The following SNX29 variants were observed in gnomAD, a reference collection of about 807,000 sequenced individuals.
SNX29 encodes sorting nexin-29.
In SNX29, 78 loss-of-function variants were observed where a neutral mutation model predicts 102.1. The observed-to-expected ratio is 0.76, with a 90% CI of 0.64 to 0.92. The LOEUF is 0.92. Among genes scored for constraint, SNX29 ranks in the 40% least tolerant of loss-of-function variants. The pLI, the probability that SNX29 is intolerant of heterozygous loss-of-function variation, is 0.00. For missense variants in SNX29, 1,280 were observed against 1,061.7 expected (o/e 1.21, Z -2.86); for synonymous variants, 580 against 414.5 (o/e 1.40, Z -4.85).
At position 12,570,800 on chromosome 16, in the gene SNX29, G is replaced by A. The variant is rs184547348; in HGVS notation, c.*2171G>A. 204 of 232,594 alleles carry A rather than the reference G, an allele frequency of 8.8e-4. No individual in the cohort carries two copies. The highest frequency in any genetic ancestry group is 1.3e-3 in the Middle Eastern group (1 of 784). The allele number at this position is 232,594 out of a possible 1,614,324, so 14.4% of individuals were successfully genotyped here. On this transcript the variant is annotated 3_prime_UTR_variant, in exon 21 of 21. Transcript: ENST00000566228. ...TAATGCAACAGTCCCCCATTGCTGAGAGATACTAACCCGTGAGAAACAAGT... is the reference window on the plus strand; with the variant it reads ...TAATGCAACAGTCCCCCATTGCTGAAAGATACTAACCCGTGAGAAACAAGT...
At chr16:12,470,482 T>C (rs986357524) in intron 18 of SNX29, among the ~76,000 whole-genome samples, 6 of 152,186 alleles carry the variant, frequency 3.9e-5, no homozygotes, top group African/African-American at 1.2e-4. Flanking sequence ...TGGCAGGGAC[T>C]GGATAAATGC....
intron 20 of SNX29, among the ~76,000 whole-genome samples, chr16:12,555,482 T>C (rs1345263484): frequency 7.3e-5 from 11 of 151,544 alleles, no homozygotes; most frequent in Admixed American, 5.9e-4. Flanking sequence ...TGAGGACGTC[T>C]TTCGTTGTGG....
intron 18 of SNX29, among the ~76,000 whole-genome samples, chr16:12,445,164 T>G (rs2085992221): frequency 1.3e-5 from 2 of 152,006 alleles, no homozygotes; most frequent in Non-Finnish European, 1.5e-5. Context: ...AGTTTTTTTT[T>G]GTTTTTGAAT....
intron 13 of SNX29, among the ~76,000 whole-genome samples, chr16:12,184,426 C>A (rs1012166378): frequency 6.6e-6 from 1 of 152,192 alleles, no homozygotes; most frequent in African/African-American, 2.4e-5. Flanking sequence ...TTCAGGAGGT[C>A]ATGGCTGAGG....
intron 18 of SNX29, among the ~76,000 whole-genome samples, chr16:12,455,119 G>T (rs1334475743): frequency 6.6e-6 from 1 of 152,190 alleles, no homozygotes; most frequent in Non-Finnish European, 1.5e-5. Context: ...TAGGAGGCAA[G>T]ATAGCTGGTT....
chr16:12,301,792 A>G (rs2080181777), intron 15 of SNX29, among the ~76,000 whole-genome samples: 1 of 152,222 alleles, frequency 6.6e-6, no homozygotes, highest in Middle Eastern at 3.2e-3. Flanking sequence ...AGAGGACTCT[A>G]GTCGCGGTTT....
chr16:12,163,630 T>G (rs1385687085), intron 13 of SNX29, among the ~76,000 whole-genome samples: 2 of 152,198 alleles, frequency 1.3e-5, no homozygotes, highest in Non-Finnish European at 2.9e-5. Context: ...AAATCTCCTG[T>G]AGAAGCTTCC....
At chr16:12,103,601 C>G (rs2053109017) in intron 11 of SNX29, among the ~76,000 whole-genome samples, 1 of 152,130 alleles carries the variant, frequency 6.6e-6, no homozygotes, top group African/African-American at 2.4e-5. Context: ...GGAAGAAAAC[C>G]TAGGTAATAC....
At chr16:12,079,107 T>C (rs2051735498) in intron 11 of SNX29, among the ~76,000 whole-genome samples, 192 bp downstream of exon 11, 1 of 152,254 alleles carries the variant, frequency 6.6e-6, no homozygotes, top group South Asian at 2.1e-4. Context: ...CGCTTGGGCG[T>C]GTGCGCGCTA....
At chr16:12,492,635 G>C (rs2088609956) in intron 19 of SNX29, among the ~76,000 whole-genome samples, 1 of 152,186 alleles carries the variant, frequency 6.6e-6, no homozygotes, top group Non-Finnish European at 1.5e-5. Flanking sequence ...TAATGGCTAG[G>C]TTTTCTTCTA....
intron 20 of SNX29, among the ~76,000 whole-genome samples, chr16:12,533,960 T>G (rs1225102617): frequency 6.6e-6 from 1 of 152,248 alleles, no homozygotes; most frequent in African/African-American, 2.4e-5. Flanking sequence ...TTTGTTTGCT[T>G]AAAACATCTG....
At chr16:12,114,847 C>T (rs960081303) in intron 11 of SNX29, among the ~76,000 whole-genome samples, 2 of 152,158 alleles carry the variant, frequency 1.3e-5, no homozygotes, top group Non-Finnish European at 2.9e-5. Context: ...GGGCAAATCA[C>T]TTCATATGTC....
intron 18 of SNX29, among the ~76,000 whole-genome samples, chr16:12,438,987 C>T (rs753442627): frequency 7.2e-5 from 11 of 152,174 alleles, no homozygotes; most frequent in African/African-American, 2.2e-4. Flanking sequence ...GGATTGTCCA[C>T]CTGCCATGTA....
Position 12,464,051 on chromosome 16 carries a change from T to C in SNX29, c.2038-13668T>C, listed in dbSNP as rs2086938777. ...AGCCCCTGGCAACCCCCGTCTGTTC[T>C]CTGCTTCTATGAGTTTATCCATAGA... is the stretch of plus-strand genomic sequence containing the variant. On this transcript the variant is annotated intron_variant, in intron 18 of 20. Transcript: ENST00000566228. Among the ~76,000 whole-genome samples, 3 of 151,934 alleles carry C rather than the reference T, an allele frequency of 2.0e-5. No individual in the cohort carries two copies. In the South Asian group the frequency reaches 6.2e-4, roughly 32 times the overall value.
chr16:12,427,063 T>G (rs948872152), intron 18 of SNX29, among the ~76,000 whole-genome samples: 10 of 152,222 alleles, frequency 6.6e-5, no homozygotes, highest in African/African-American at 2.2e-4. Context: ...ATGGATAGTT[T>G]AGGCTCATTT....
At chr16:12,311,218 A>G (rs756628400) in intron 15 of SNX29, among the ~76,000 whole-genome samples, 105 of 152,170 alleles carry the variant, frequency 6.9e-4, no homozygotes, top group Middle Eastern at 3.4e-3. Context: ...TACCCTAGGT[A>G]AAGAAACTTC....
At chr16:12,294,675 C>G (rs1391238206) in intron 15 of SNX29, among the ~76,000 whole-genome samples, 1 of 152,144 alleles carries the variant, frequency 6.6e-6, no homozygotes, top group Non-Finnish European at 1.5e-5. Context: ...CAGGTCCTTT[C>G]AGTAACAGCT....
At chr16:12,549,765 T>C (rs78248306) in intron 20 of SNX29, among the ~76,000 whole-genome samples, 1 of 152,232 alleles carries the variant, frequency 6.6e-6, no homozygotes, top group Admixed American at 6.5e-5. Flanking sequence ...CTGTTGGTGA[T>C]TAGCAGGTGA....
intron 13 of SNX29, among the ~76,000 whole-genome samples, chr16:12,144,211 T>C (rs2054968996): frequency 6.6e-6 from 1 of 152,216 alleles, no homozygotes; most frequent in African/African-American, 2.4e-5. Flanking sequence ...GAAAGGCTGA[T>C]TTTTAGCTCA....
Sources: gnomAD v4.1 joint callset for allele counts (sites outside exome capture counted in the v4.1 genomes callset) on GRCh38, gnomAD v4.1.1 for gene constraint, MANE v1.5 for transcripts, NCBI Gene and HGNC (gene_info 2026-07-23, HGNC 2026-07-21) for gene names.